LAMA5: variants seen among roughly 807,000 people sequenced by gnomAD.
LAMA5 encodes laminin subunit alpha-5.
In LAMA5, 260 loss-of-function variants were observed where a neutral mutation model predicts 433.4. The observed-to-expected ratio is 0.60, with a 90% CI of 0.54 to 0.66. The LOEUF is 0.66. Ranked by LOEUF, LAMA5 falls within the 30% of genes least tolerant of loss-of-function variation. The pLI is 0.00. For synonymous variants in LAMA5, 2,620 were observed against 2,226.6 expected, an observed-to-expected ratio of 1.18 and a Z score of -4.97; for missense variants, 5,378 against 5,258.5, an observed-to-expected ratio of 1.02 and a Z score of -0.70.
At position 62,333,992 on chromosome 20, in the gene LAMA5, C is replaced by G; in HGVS notation, c.2787G>C (p.Trp929Cys). The change falls in exon 23 of 80, where the codon TGG becomes TGC. Residue 929 changes from tryptophan to cysteine, a missense_variant. Physicochemically the swap from Trp to Cys is radical, Grantham distance 215 (BLOSUM62 -2). Transcript: ENST00000252999. ...RLNLTSPDLF[W>C]LVFRYVNRGA... ...CCCGGTTGACGTATCGGAAGACGAG[C>G]CAGAAAAGGTCAGGGGAGGTCAGGT... 6 of 1,613,008 alleles carry G rather than the reference C, an allele frequency of 3.7e-6. No homozygotes were observed. In the South Asian group the frequency reaches 6.6e-5, roughly 18 times the overall value.
rs1169621369 is a variant in LAMA5, at chr20:62,311,072, G to A, written c.10111C>T (p.Leu3371Phe). 1.9e-6 allele frequency: 3 copies of A among 1,590,050 alleles called. No individual in the cohort carries two copies. The highest frequency in any genetic ancestry group is 2.6e-6 in the Non-Finnish European group (3 of 1,168,152). The change falls in exon 74 of 80, where the codon CTC becomes TTC. Residue 3371 changes from leucine (L) to phenylalanine (F), a missense_variant. By Grantham distance (22) the Leu-to-Phe change is conservative (BLOSUM62 0). Transcript: ENST00000252999. ...AGGAGGCCTCGGGAGCTTCGCGGGA[G>A]GACGTGCATGGAGAGACTGGGCCTG... ...RNWPSLSMHV[L>F]PRSSRGLLLF...
At position 62,318,946 on chromosome 20, in the gene LAMA5, G is replaced by A. The variant is rs751185287; in HGVS notation, c.6939C>T (p.Leu2313=). The A allele has an allele frequency of 1.3e-6, 2 of 1,597,544 alleles. No individual in the cohort carries two copies. Among genetic ancestry groups the A allele is most frequent in the East Asian group, 4.5e-5 (2 of 44,338 alleles). The change falls in exon 52 of 80, where the codon CTC becomes CTT. Residue 2313 remains leucine, a synonymous_variant. Coordinates refer to ENST00000252999, the MANE Select transcript of LAMA5 (RefSeq NM_005560.6). ...NASAPSGEQL[L]RTLAEVERLL... Reference sequence around the variant, plus strand: ...GCCGCTCCACCTCGGCCAGTGTCCGGAGCAGCTGCTCACCTGATGGAGCCG... The same window carrying A: ...GCCGCTCCACCTCGGCCAGTGTCCGAAGCAGCTGCTCACCTGATGGAGCCG...
intron 6 of LAMA5, among the ~76,000 whole-genome samples, chr20:62,348,053 T>C (rs1983644892): frequency 6.6e-6 from 1 of 152,208 alleles, no homozygotes; most frequent in Admixed American, 6.5e-5. Flanking sequence ...TGAACTGGTG[T>C]TCCATTTTTC....
intron 3 of LAMA5, 176 bp downstream of exon 3, chr20:62,352,958 A>C: frequency 1.8e-6 from 1 of 554,224 alleles, no homozygotes; most frequent in East Asian, 3.2e-5. Flanking sequence ...GACGCCAGGG[A>C]CAGGAGCCAA....
Position 62,310,893 on chromosome 20 carries a change from G to C in LAMA5, c.10281+9C>G, listed in dbSNP as rs1047938469. 1.9e-6 allele frequency: 3 copies of C among 1,609,136 alleles called. No homozygotes were observed. The highest frequency in any genetic ancestry group is 1.7e-4 in the Middle Eastern group (1 of 6,048). On this transcript the variant is annotated intron_variant, in intron 74 of 79. Coordinates refer to ENST00000252999, the MANE Select transcript of LAMA5 (RefSeq NM_005560.6). Reference sequence around the variant, plus strand: ...CCTGCCCACCACCTTCCTTCTTCTCGGCCCTCACCTTGTGCCAGCGGCCAG... The same window carrying C: ...CCTGCCCACCACCTTCCTTCTTCTCCGCCCTCACCTTGTGCCAGCGGCCAG...
chr20:62,323,538 G>A lies in LAMA5; in HGVS notation c.5982C>T (p.Cys1994=), dbSNP rs111388736. 1.4e-5 allele frequency: 22 copies of A among 1,585,992 alleles called. No individual in the cohort carries two copies. Among genetic ancestry groups the A allele is most frequent in the African/African-American group, 1.2e-4 (9 of 74,742 alleles). The change falls in exon 45 of 80, where the codon TGC becomes TGT. Residue 1994 remains cysteine, a synonymous_variant. Coordinates refer to ENST00000252999, the MANE Select transcript of LAMA5 (RefSeq NM_005560.6). The part of the protein sequence containing the change: ...CDPLTGACRG[C]LRHTTGPRCE... ...AGCGGGGCCCAGTGGTGTGGCGCAGGCAGCCACGGCAGGCGCCCGTCAGGG... is the reference window on the plus strand; with the variant it reads ...AGCGGGGCCCAGTGGTGTGGCGCAGACAGCCACGGCAGGCGCCCGTCAGGG...
At chr20:62,335,784 C>T (rs1486649107) in intron 18 of LAMA5, among the ~76,000 whole-genome samples, 2 of 140,420 alleles carry the variant, frequency 1.4e-5, no homozygotes, top group Non-Finnish European at 3.1e-5. Flanking sequence ...TCATGGACTC[C>T]AGTCCCACGC....
In LAMA5 at chr20:62,312,176, G is replaced by A; in HGVS notation, c.9501C>T (p.Ser3167=). 6.2e-7 allele frequency: 1 copy of A among 1,610,662 alleles called. No homozygotes were observed. The highest frequency in any genetic ancestry group is 1.1e-5 in the South Asian group (1 of 90,824). The part of the protein sequence containing the change: ...QDSALLYYRA[S]PDGLCQVSLQ... ...GGGCACGGGTGTGAGGTCTCACCGG[G>A]GACGCCCGGTAGTAGAGCAGGGCAC... is the stretch of plus-strand genomic sequence containing the variant. Residue 3167 remains serine (S), a synonymous_variant, in exon 69 of 80, where the codon TCC becomes TCT. Transcript: ENST00000252999.
chr20:62,336,941 C>T, intron 16 of LAMA5, 155 bp from the exon 17 acceptor site: 1 of 733,830 alleles, frequency 1.4e-6, no homozygotes, highest in African/African-American at 1.7e-5. Flanking sequence ...CACGCACCTC[C>T]CTGCTCCCTC....
In LAMA5 at chr20:62,335,022, G is replaced by A. The variant is rs1475710749; in HGVS notation, c.2481C>T (p.Arg827=). 2 of 1,612,254 alleles carry A rather than the reference G, an allele frequency of 1.2e-6. No individual in the cohort carries two copies. Among genetic ancestry groups the A allele is most frequent in the East Asian group, 2.2e-5 (1 of 44,894 alleles). The change falls in exon 20 of 80, where the codon CGC becomes CGT. Residue 827 remains arginine (R), a splice_region_variant and synonymous_variant. Transcript: ENST00000252999. ...GLDQADYFGC[R]SCRCDIGGAL... is the part of the protein sequence containing the mutation. ...TGGGACGAGCGAGTGGGCACTCACT[G>A]CGGCAGCCAAAATAGTCAGCCTGAT...
At position 62,334,546 on chromosome 20, in the gene LAMA5, T is replaced by A; in HGVS notation, c.2558A>T (p.Asn853Ile). ...PRTGVCRCRP[N>I]TQGPTCSEPA... Reference sequence around the variant, plus strand: ...CTCGCTGCAGGTGGGGCCCTGGGTGTTGGGGCGGCACCGGCAGACGCCCGT... The same window carrying A: ...CTCGCTGCAGGTGGGGCCCTGGGTGATGGGGCGGCACCGGCAGACGCCCGT... The change falls in exon 21 of 80, where the codon AAC (asparagine) becomes ATC (isoleucine). Residue 853 changes from asparagine (N) to isoleucine (I), a missense_variant. Asn to Ile is a moderately radical substitution (Grantham distance 149). Transcript: ENST00000252999. 6.5e-7 allele frequency: 1 copy of A among 1,548,562 alleles called. No homozygotes were observed. Among genetic ancestry groups the A allele is most frequent in the East Asian group, 2.4e-5 (1 of 40,902 alleles).
intron 16 of LAMA5, 98 bp downstream of exon 16, chr20:62,337,492 G>A: frequency 3.4e-6 from 5 of 1,465,914 alleles, no homozygotes; most frequent in Non-Finnish European, 1.9e-6. Context: ...ACAGCAAGAT[G>A]CACGTGAACA....
In LAMA5 at chr20:62,334,725, G is replaced by A. The variant is rs568097874; in HGVS notation, c.2483-104C>T. The A allele has an allele frequency of 5.2e-5, 37 of 711,508 alleles. 1 individual carries two copies. In the Middle Eastern group the frequency reaches 1.0e-3, roughly 19 times the overall value. 44.1% of individuals were successfully genotyped at this position (711,508 alleles called of 1,614,324 possible). On this transcript the variant is annotated intron_variant, in intron 20 of 79. Coordinates refer to ENST00000252999, the MANE Select transcript of LAMA5 (RefSeq NM_005560.6). ...GCCTGCCTGGGGCTCTCTGGATGAT[G>A]GAGAGTCAGGGCTCAGGGCTCAGGG...
At chr20:62,364,888 C>G (rs1290224819) in intron 1 of LAMA5, among the ~76,000 whole-genome samples, 1 of 152,270 alleles carries the variant, frequency 6.6e-6, no homozygotes, top group African/African-American at 2.4e-5. Flanking sequence ...CCTTAGTGAG[C>G]CCCCTCAGAT....
chr20:62,328,587 C>T, intron 34 of LAMA5, 142 bp from the exon 35 acceptor site: 2 of 896,634 alleles, frequency 2.2e-6, no homozygotes, highest in Non-Finnish European at 3.3e-6. Flanking sequence ...GGTGCTGAGC[C>T]TTGGACAGCT....
At position 62,359,975 on chromosome 20, in the gene LAMA5, G is replaced by C. The variant is rs1190080638; in HGVS notation, c.450+2425C>G. On this transcript the variant is annotated intron_variant, in intron 2 of 79. Transcript: ENST00000252999. This position sits in a 1 kb window ranked among gnomAD's most constrained non-coding sequence, Gnocchi z 4.3. ...CCCAGGGCATCCGCTCCAGATCCCA[G>C]AACAAAGGCTGCTGGCAGCCCGCTG... Among the ~76,000 whole-genome samples, 1 of 144,362 alleles carries C rather than the reference G, an allele frequency of 6.9e-6. No individual in the cohort carries two copies. Among genetic ancestry groups the C allele is most frequent in the Non-Finnish European group, 1.5e-5 (1 of 66,406 alleles). The allele number at this position is 144,362 out of a possible 152,430, so 94.7% of individuals were successfully genotyped here.
In LAMA5 at chr20:62,319,769, G is replaced by A; in HGVS notation, c.6786C>T (p.Ser2262=). 6.5e-7 allele frequency: 1 copy of A among 1,547,906 alleles called. No individual in the cohort carries two copies. Among genetic ancestry groups the A allele is most frequent in the Non-Finnish European group, 8.7e-7 (1 of 1,146,806 alleles). ...GQAVGTRDQA[S]QLLAGTEATL... ...TGGCCTCGGTGCCGGCCAGCAATTG[G>A]CTCGCCTGGTCTCGGGTCCCCACGG... The change falls in exon 51 of 80, where the codon AGC becomes AGT. Residue 2262 remains serine (S), a synonymous_variant. Transcript: ENST00000252999.
intron 11 of LAMA5, among the ~76,000 whole-genome samples, chr20:62,344,611 G>A (rs1983077126): frequency 6.6e-6 from 1 of 152,026 alleles, no homozygotes; most frequent in Non-Finnish European, 1.5e-5. Flanking sequence ...ACCACGCCTG[G>A]CTAATTTTTG....
At position 62,328,254 on chromosome 20, in the gene LAMA5, TGTCTGTGTCACAGGTAGG is replaced by T; in HGVS notation, c.4621_4638del (p.Pro1541_Asp1546del). 1 of 1,606,316 alleles carries T rather than the reference TGTCTGTGTCACAGGTAGG, an allele frequency of 6.2e-7. No homozygotes were observed. The highest frequency in any genetic ancestry group is 8.5e-7 in the Non-Finnish European group (1 of 1,176,838). ...CTGGGCTCTCACTTGCACTGGCCGCTGTCTGTGTCACAGGTAGGGTCTGTGAGCTCCTGGATGCCGGGC... is the reference window on the plus strand; with the variant it reads ...CTGGGCTCTCACTTGCACTGGCCGCTGTCTGTGAGCTCCTGGATGCCGGGC... On this transcript the variant is annotated inframe_deletion, in exon 35 of 80. Transcript: ENST00000252999.
Sources: gnomAD v4.1 joint callset for allele counts (sites outside exome capture counted in the v4.1 genomes callset) on GRCh38, gnomAD v4.1.1 for gene constraint, Gnocchi (gnomAD v3.1) non-coding constraint, MANE v1.5 for transcripts, NCBI Gene and HGNC (gene_info 2026-07-23, HGNC 2026-07-21) for gene names.